NLGN4X: variants seen among roughly 807,000 people sequenced by gnomAD.
The protein encoded by NLGN4X is neuroligin 4 X-linked.
Under a neutral mutation model 40.3 loss-of-function variants are expected in NLGN4X, and 3 were observed. That is an observed-to-expected ratio of 0.07 (90% CI 0.03 to 0.19). The LOEUF (loss-of-function observed/expected upper bound fraction) is 0.19. Among genes scored for constraint, NLGN4X ranks in the 10% least tolerant of loss-of-function variants. NLGN4X has a pLI of 1.00. For missense variants in NLGN4X, 382 were observed against 708.3 expected (o/e 0.54, Z 5.23); for synonymous variants, 270 against 306.8 (o/e 0.88, Z 1.25).
intron 3 of NLGN4X, among the ~76,000 whole-genome samples, chrX:5,940,228 A>C (rs1299968290): frequency 2.7e-5 from 3 of 111,757 alleles, no homozygotes; most frequent in African/African-American, 6.6e-5. Flanking sequence ...TTCCAGGACT[A>C]AATCAGTGCC....
rs1401267939 is a variant in NLGN4X, at chrX:6,069,303, TTAAA to T, written c.473-39875_473-39872del. On this transcript the variant is annotated intron_variant, in intron 2 of 5. Coordinates refer to ENST00000381095, the MANE Select transcript of NLGN4X (RefSeq NM_181332.3). ...ACTCCGTCTCAAAAAAAAAAAAAAA[TTAAA>T]TAAAAGTAGACATCCATACCAGAAA... 8.4e-5 allele frequency among the ~76,000 whole-genome samples: 9 copies of T among 107,337 alleles called. No homozygotes were observed. The Admixed American group carries it at 8.9e-4, about 11-fold the overall frequency. 93.2% of individuals were successfully genotyped at this position (107,337 alleles called of 115,157 possible). A position where few individuals can be genotyped will look rare whatever the true frequency, so the allele number is the denominator to read the frequency against.
At chrX:6,023,715 A>G (rs1277443327) in intron 3 of NLGN4X, among the ~76,000 whole-genome samples, 1 of 112,486 alleles carries the variant, frequency 8.9e-6, no homozygotes, top group Admixed American at 9.4e-5. Context: ...CAATGAGTTG[A>G]TGTTACATAG....
chrX:6,134,715 T>C (rs1432719653), intron 2 of NLGN4X, among the ~76,000 whole-genome samples: 1 of 112,412 alleles, frequency 8.9e-6, no homozygotes, highest in African/African-American at 3.2e-5. Flanking sequence ...CGTAAGGATA[T>C]TTAGTGGTGC....
chrX:5,953,576 C>T (rs991826621), intron 3 of NLGN4X, among the ~76,000 whole-genome samples: 5 of 111,111 alleles, frequency 4.5e-5, no homozygotes, highest in Non-Finnish European at 9.4e-5. Context: ...CTGCATGTGC[C>T]CCATACATAT....
intron 1 of NLGN4X, among the ~76,000 whole-genome samples, chrX:6,192,575 C>T (rs981382470): frequency 8.9e-6 from 1 of 111,969 alleles, no homozygotes; most frequent in Admixed American, 9.4e-5. Flanking sequence ...CCTAAAGATC[C>T]TTCTTGGATG....
intron 2 of NLGN4X, among the ~76,000 whole-genome samples, chrX:6,043,384 G>A (rs975584921): frequency 3.6e-5 from 4 of 110,680 alleles, no homozygotes; most frequent in African/African-American, 1.3e-4. Context: ...TACTATATAT[G>A]TAATATACAT....
chrX:6,090,770 G>T (rs192574509), intron 2 of NLGN4X, among the ~76,000 whole-genome samples: 7 of 107,927 alleles, frequency 6.5e-5, no homozygotes, highest in Admixed American at 5.8e-4. Context: ...ATTTGACAAT[G>T]TCTGGAGATA....
At chrX:6,146,696 C>A (rs772866293) in intron 2 of NLGN4X, among the ~76,000 whole-genome samples, 17 of 97,105 alleles carry the variant, frequency 1.8e-4, no homozygotes, top group Admixed American at 3.4e-4. Flanking sequence ...GTATTGCTAG[C>A]AAAAAAAAAA....
chrX:6,068,159 G>T (rs2037971005), intron 2 of NLGN4X, among the ~76,000 whole-genome samples: 1 of 111,734 alleles, frequency 8.9e-6, no homozygotes, highest in Admixed American at 9.5e-5. Context: ...GGATGAAAGA[G>T]AATTGATTTT....
At chrX:6,154,302 G>A (rs1168986028) in intron 1 of NLGN4X, among the ~76,000 whole-genome samples, 6 of 112,160 alleles carry the variant, frequency 5.3e-5, no homozygotes, top group Admixed American at 4.7e-4. Flanking sequence ...GTATCTGTAG[G>A]TATATTTAGT....
chrX:6,051,901 G>T (rs915281757), intron 2 of NLGN4X, among the ~76,000 whole-genome samples: 1 of 110,818 alleles, frequency 9.0e-6, no homozygotes, highest in Non-Finnish European at 1.9e-5. Context: ...AAATAGGATG[G>T]GATGCCATTG....
chrX:6,016,533 T>C (rs2036400121), intron 3 of NLGN4X, among the ~76,000 whole-genome samples: 1 of 112,105 alleles, frequency 8.9e-6, no homozygotes, highest in Non-Finnish European at 1.9e-5. Flanking sequence ...TGTAAAATGG[T>C]ACACCTATTT....
intron 1 of NLGN4X, among the ~76,000 whole-genome samples, chrX:6,170,900 C>T (rs140134929): frequency 0.019 from 2,079 of 111,401 alleles, 52 homozygotes; most frequent in African/African-American, 0.063. Flanking sequence ...CACAACTCAC[C>T]GCAGCCCCAA....
chrX:5,968,992 A>C (rs994101134), intron 3 of NLGN4X, among the ~76,000 whole-genome samples: 2 of 111,684 alleles, frequency 1.8e-5, no homozygotes, highest in African/African-American at 6.5e-5. Flanking sequence ...TACCAGTCTC[A>C]ACTTCCTTAC....
chrX:6,071,732 A>T (rs1041836038), intron 2 of NLGN4X, among the ~76,000 whole-genome samples: 3 of 112,237 alleles, frequency 2.7e-5, no homozygotes, highest in Non-Finnish European at 5.6e-5. Flanking sequence ...GCAAGATTTA[A>T]ATTTTAACGG....
intron 3 of NLGN4X, chrX:5,991,669 T>G: frequency 2.7e-6 from 1 of 368,658 alleles, no homozygotes; most frequent in South Asian, 4.8e-5. Context: ...AGTAAACAAG[T>G]GTGAATGATG....
chrX:5,976,728 C>T (rs777968568), intron 3 of NLGN4X, among the ~76,000 whole-genome samples: 3 of 112,874 alleles, frequency 2.7e-5, no homozygotes, highest in African/African-American at 9.6e-5. Flanking sequence ...TGTGTTTACA[C>T]TACAATTAAG....
intron 1 of NLGN4X, among the ~76,000 whole-genome samples, chrX:6,183,082 G>A (rs1454390626): frequency 8.9e-6 from 1 of 112,040 alleles, no homozygotes; most frequent in Non-Finnish European, 1.9e-5. Flanking sequence ...TTTCCAAATA[G>A]AGAAGACATC....
rs1463284735 is a variant in NLGN4X, at chrX:5,892,652, G to A, written c.*165C>T. On this transcript the variant is annotated 3_prime_UTR_variant, in exon 6 of 6. Transcript: ENST00000381095. ...AAAACACCAACGATAAGGGTCTGCCGGGATGGGATGACTGCCTTTTTGCAT... is the reference window on the plus strand; with the variant it reads ...AAAACACCAACGATAAGGGTCTGCCAGGATGGGATGACTGCCTTTTTGCAT... 3.1e-6 allele frequency: 2 copies of A among 635,397 alleles called. No homozygotes were observed. The highest frequency in any genetic ancestry group is 3.6e-5 in the East Asian group (1 of 27,884). The allele number at this position is 635,397 out of a possible 1,213,427, so 52.4% of individuals were successfully genotyped here. A position where few individuals can be genotyped will look rare whatever the true frequency, so the allele number is the denominator to read the frequency against.
Sources: allele counts gnomAD v4.1 joint callset (sites outside exome capture counted in the v4.1 genomes callset), GRCh38; gene constraint gnomAD v4.1.1; transcripts MANE v1.5; gene names NCBI Gene and HGNC (gene_info 2026-07-23, HGNC 2026-07-21).